FAM222A: variants seen among roughly 807,000 people sequenced by gnomAD.
The protein encoded by FAM222A is protein FAM222A.
Under a neutral mutation model 25.8 loss-of-function variants are expected in FAM222A, and 7 were observed. That is an observed-to-expected ratio of 0.27 (90% CI 0.15 to 0.51). The LOEUF (loss-of-function observed/expected upper bound fraction) is 0.51, where lower values mean the gene tolerates loss of function less well. Among genes scored for constraint, FAM222A ranks in the 20% least tolerant of loss-of-function variants. FAM222A has a pLI of 0.97. For missense variants in FAM222A, 573 were observed against 640.5 expected (o/e 0.89, Z 1.14); for synonymous variants, 294 against 298.8 (o/e 0.98, Z 0.17).
At chr12:109,740,941 G>A (rs1401087777) in intron 1 of FAM222A, among the ~76,000 whole-genome samples, 3 of 152,318 alleles carry the variant, frequency 2.0e-5, no homozygotes, top group East Asian at 1.9e-4. Flanking sequence ...TCACGGTGCC[G>A]TAGGCAGGAG....
chr12:109,746,902 C>T (rs1194044525), intron 2 of FAM222A, among the ~76,000 whole-genome samples: 3 of 152,168 alleles, frequency 2.0e-5, no homozygotes, highest in African/African-American at 4.8e-5. Flanking sequence ...ATATCCAGGT[C>T]GAGTAGCCCT....
At chr12:109,739,488 T>A (rs969248617) in intron 1 of FAM222A, among the ~76,000 whole-genome samples, 4 of 152,230 alleles carry the variant, frequency 2.6e-5, no homozygotes, top group African/African-American at 9.6e-5. Flanking sequence ...AAGCAAGGCC[T>A]GGGCTTTACT....
At chr12:109,728,358 C>T (rs775286120) in intron 1 of FAM222A, among the ~76,000 whole-genome samples, 8 of 152,170 alleles carry the variant, frequency 5.3e-5, no homozygotes, top group Admixed American at 2.6e-4. Context: ...AGAGATAACA[C>T]GGGGATTGTG....
intron 2 of FAM222A, among the ~76,000 whole-genome samples, chr12:109,758,856 T>G (rs1888808064): frequency 6.6e-6 from 1 of 152,092 alleles, no homozygotes; most frequent in Admixed American, 6.5e-5. Flanking sequence ...TGGACACCCC[T>G]TGCTCCCCCA....
intron 1 of FAM222A, among the ~76,000 whole-genome samples, chr12:109,738,144 G>C (rs539868481): frequency 6.6e-6 from 1 of 152,174 alleles, no homozygotes; most frequent in Admixed American, 6.5e-5. Flanking sequence ...CCCTAAGGGG[G>C]TTGGGGGAAG....
intron 1 of FAM222A, 74 bp from the exon 2 acceptor site, chr12:109,744,027 C>G (rs1888317353): frequency 1.4e-6 from 2 of 1,458,766 alleles, no homozygotes; most frequent in East Asian, 4.9e-5. Context: ...TGCAGGGAGA[C>G]TCCCGGGGGG....
chr12:109,726,332 G>C (rs1342771336), intron 1 of FAM222A, among the ~76,000 whole-genome samples: 1 of 152,130 alleles, frequency 6.6e-6, no homozygotes, highest in Non-Finnish European at 1.5e-5. Flanking sequence ...GCCTGCTGGG[G>C]CCTGGGGACA....
At chr12:109,726,642 G>C (rs561621608) in intron 1 of FAM222A, among the ~76,000 whole-genome samples, 3 of 152,236 alleles carry the variant, frequency 2.0e-5, no homozygotes, top group African/African-American at 7.2e-5. Context: ...CAGCAGGGGG[G>C]CTCAGGCCTG....
chr12:109,757,515 CA>C (rs768339728), intron 2 of FAM222A, among the ~76,000 whole-genome samples: 1 of 152,048 alleles, frequency 6.6e-6, no homozygotes, highest in Non-Finnish European at 1.5e-5. Flanking sequence ...ACACCATACC[CA>C]AAAAGGAATC....
chr12:109,748,893 T>C (rs943653826), intron 2 of FAM222A, among the ~76,000 whole-genome samples: 53 of 152,342 alleles, frequency 3.5e-4, no homozygotes, highest in African/African-American at 1.2e-3. Context: ...ACCTTCCTTC[T>C]GCTTTTAGTT....
chr12:109,716,629 G>T (rs1887651351), intron 1 of FAM222A, among the ~76,000 whole-genome samples: 1 of 152,212 alleles, frequency 6.6e-6, no homozygotes, highest in African/African-American at 2.4e-5. Flanking sequence ...TGTTTGCGCT[G>T]CCTCTCGAAG....
chr12:109,738,358 T>G (rs917459613), intron 1 of FAM222A, among the ~76,000 whole-genome samples: 2 of 152,160 alleles, frequency 1.3e-5, no homozygotes, highest in East Asian at 3.9e-4. Context: ...ACCCTAGTAT[T>G]CCCAATCCAG....
intron 2 of FAM222A, among the ~76,000 whole-genome samples, chr12:109,767,811 T>A (rs1469691003): frequency 6.6e-6 from 1 of 152,178 alleles, no homozygotes. Flanking sequence ...AAAACAGGTG[T>A]GTTCCTTTTG....
At chr12:109,754,579 G>T (rs1888659852) in intron 2 of FAM222A, among the ~76,000 whole-genome samples, 1 of 152,084 alleles carries the variant, frequency 6.6e-6, no homozygotes, top group Non-Finnish European at 1.5e-5. Context: ...ATACATAAAT[G>T]AATGGGTGTA....
chr12:109,760,568 C>T (rs374487354), intron 2 of FAM222A, among the ~76,000 whole-genome samples: 187 of 152,242 alleles, frequency 1.2e-3, no homozygotes, highest in African/African-American at 4.3e-3. Context: ...GGTATTTGAA[C>T]GCTGCTTAAA....
chr12:109,755,806 G>A (rs1048012205), intron 2 of FAM222A, among the ~76,000 whole-genome samples: 1 of 152,206 alleles, frequency 6.6e-6, no homozygotes, highest in African/African-American at 2.4e-5. Flanking sequence ...GTTTATTTCT[G>A]GATTTTCTAT....
intron 2 of FAM222A, 123 bp from the exon 3 acceptor site, chr12:109,767,889 A>G: frequency 1.0e-6 from 1 of 1,001,036 alleles, no homozygotes; most frequent in Non-Finnish European, 1.4e-6. Flanking sequence ...AAGTTTAAAA[A>G]TGTAGAAGGA....
At chr12:109,734,203 G>A (rs1338585209) in intron 1 of FAM222A, 1 of 130,912 alleles carries the variant, frequency 7.6e-6, no homozygotes, top group African/African-American at 2.9e-5. Flanking sequence ...GCAAGACCCT[G>A]TCTCCAAAAA....
chr12:109,736,727 C>G (rs921680040), intron 1 of FAM222A, among the ~76,000 whole-genome samples: 1 of 152,210 alleles, frequency 6.6e-6, no homozygotes, highest in Non-Finnish European at 1.5e-5. Context: ...GGAGTGCTGA[C>G]GGAGGCACAT....
Sources: allele counts gnomAD v4.1 joint callset (sites outside exome capture counted in the v4.1 genomes callset), GRCh38; gene constraint gnomAD v4.1.1; transcripts MANE v1.5; gene names NCBI Gene and HGNC (gene_info 2026-07-23, HGNC 2026-07-21).